NCOA1: variants seen among roughly 807,000 people sequenced by gnomAD.
NCOA1 encodes nuclear receptor coactivator 1, also known as Hin-2 protein.
A neutral mutation model predicts 150.9 loss-of-function variants in NCOA1; 35 were observed. That is an observed-to-expected ratio of 0.23 (90% CI 0.18 to 0.31). The LOEUF (loss-of-function observed/expected upper bound fraction) is 0.31, where lower values mean the gene tolerates loss of function less well. Ranked by LOEUF, NCOA1 falls within the 10% of genes least tolerant of loss-of-function variation. The pLI is 1.00. For synonymous variants in NCOA1, 590 were observed against 630.0 expected (o/e 0.94, Z 0.95); for missense variants, 1,491 against 1,749.3 (o/e 0.85, Z 2.63).
intron 1 of NCOA1, among the ~76,000 whole-genome samples, chr2:24,545,451 T>C (rs2148206004): frequency 6.6e-6 from 1 of 152,078 alleles, no homozygotes; most frequent in African/African-American, 2.4e-5. Context: ...AAATAAATGG[T>C]TAAATAAATA....
chr2:24,532,380 A>C (rs1359197464), intron 1 of NCOA1, among the ~76,000 whole-genome samples: 2 of 152,056 alleles, frequency 1.3e-5, no homozygotes, highest in African/African-American at 4.8e-5. Context: ...ATATTGCAAA[A>C]ATTTTCTTCC....
chr2:24,660,157 A>C (rs184263782), intron 5 of NCOA1, among the ~76,000 whole-genome samples: 10 of 152,338 alleles, frequency 6.6e-5, no homozygotes, highest in African/African-American at 2.4e-4. Context: ...ATCAAGATGC[A>C]ATCTAGAAGT....
chr2:24,744,230 T>A (rs1360220393), intron 19 of NCOA1, among the ~76,000 whole-genome samples: 2 of 152,202 alleles, frequency 1.3e-5, no homozygotes, highest in African/African-American at 4.8e-5. Context: ...CCAGACCAAC[T>A]TCTGATTGAC....
chr2:24,554,168 C>T (rs898735228), intron 1 of NCOA1, among the ~76,000 whole-genome samples: 10 of 151,880 alleles, frequency 6.6e-5, no homozygotes, highest in Admixed American at 4.6e-4. Context: ...TCATAGATAC[C>T]TCTATGTTTT....
rs1008657294 is a variant in NCOA1, at chr2:24,546,784, G to A, written c.-395-17511G>A. Among the ~76,000 whole-genome samples, 6 of 152,274 alleles carry A rather than the reference G, an allele frequency of 3.9e-5. No individual in the cohort carries two copies. In the South Asian group the frequency reaches 6.2e-4, roughly 16 times the overall value. Reference sequence around the variant, plus strand: ...ATCACTTACTCAGCTGGTAACTGGTGTGGGCTGGACAGTCTCAGGCTTTCT... The same window carrying A: ...ATCACTTACTCAGCTGGTAACTGGTATGGGCTGGACAGTCTCAGGCTTTCT... On this transcript the variant is annotated intron_variant, in intron 1 of 22. Transcript: ENST00000348332.
chr2:24,692,101 A>C (rs1056499200), intron 9 of NCOA1, among the ~76,000 whole-genome samples: 1 of 152,236 alleles, frequency 6.6e-6, no homozygotes, highest in Non-Finnish European at 1.5e-5. Context: ...AGAAAACTTA[A>C]GAACAGATGG....
At chr2:24,504,479 A>G (rs1024750264) in intron 1 of NCOA1, among the ~76,000 whole-genome samples, 1 of 152,238 alleles carries the variant, frequency 6.6e-6, no homozygotes, top group Non-Finnish European at 1.5e-5. Context: ...GCCTTACTAT[A>G]GCAGAATTGA....
chr2:24,757,032 AT>A (rs1664539400), intron 20 of NCOA1, among the ~76,000 whole-genome samples: 1 of 152,222 alleles, frequency 6.6e-6, no homozygotes, highest in African/African-American at 2.4e-5. Context: ...ACCTAAAAAC[AT>A]TTGGTTGTAT....
At chr2:24,650,702 A>G (rs554918579) in intron 4 of NCOA1, among the ~76,000 whole-genome samples, 2 of 152,290 alleles carry the variant, frequency 1.3e-5, no homozygotes, top group South Asian at 4.1e-4. Context: ...GCCAACAAGT[A>G]TATGAAAGTT....
intron 1 of NCOA1, among the ~76,000 whole-genome samples, chr2:24,500,739 A>G (rs1663425120): frequency 6.6e-6 from 1 of 152,176 alleles, no homozygotes; most frequent in Non-Finnish European, 1.5e-5. Flanking sequence ...TTTTTGTGAA[A>G]CGTGGCTATA....
intron 17 of NCOA1, among the ~76,000 whole-genome samples, chr2:24,730,095 C>T (rs924854920): frequency 3.3e-5 from 5 of 152,162 alleles, no homozygotes; most frequent in Non-Finnish European, 7.3e-5. Flanking sequence ...TTGCCCACCT[C>T]GGCCTCCCAA....
chr2:24,597,867 G>A (rs1332494579), intron 3 of NCOA1, among the ~76,000 whole-genome samples: 1 of 151,956 alleles, frequency 6.6e-6, no homozygotes, highest in Non-Finnish European at 1.5e-5. Context: ...CCATATTGGT[G>A]TGCTGCACCC....
intron 1 of NCOA1, among the ~76,000 whole-genome samples, chr2:24,540,964 A>G (rs953941500): frequency 1.3e-5 from 2 of 152,216 alleles, no homozygotes; most frequent in Non-Finnish European, 2.9e-5. Flanking sequence ...CATGGTAGCA[A>G]ATGCAACAGT....
At chr2:24,661,589 T>C (rs1671186382) in intron 5 of NCOA1, among the ~76,000 whole-genome samples, 1 of 152,206 alleles carries the variant, frequency 6.6e-6, no homozygotes, top group African/African-American at 2.4e-5. Flanking sequence ...TGTTTTCTTC[T>C]AATACATGTT....
chr2:24,637,216 A>G (rs1198705984), intron 3 of NCOA1, among the ~76,000 whole-genome samples: 4 of 136,536 alleles, frequency 2.9e-5, no homozygotes, highest in Non-Finnish European at 6.3e-5. Flanking sequence ...ATATCTCCTA[A>G]TGCTATCCCT....
Position 24,596,811 on chromosome 2 carries a change from C to T in NCOA1, c.-175+12251C>T, listed in dbSNP as rs140720019. ...TACATTTCAAAGAGTTAAAGACTTACGCCATTCTACAATATTCATTTTAAC... is the reference window on the plus strand; with the variant it reads ...TACATTTCAAAGAGTTAAAGACTTATGCCATTCTACAATATTCATTTTAAC... On this transcript the variant is annotated intron_variant, in intron 3 of 22. Transcript: ENST00000348332. Among the ~76,000 whole-genome samples, 233 of 152,200 alleles carry T rather than the reference C, an allele frequency of 1.5e-3. No individual in the cohort carries two copies. The Middle Eastern group carries it at 0.017, about 11-fold the overall frequency.
intron 3 of NCOA1, among the ~76,000 whole-genome samples, chr2:24,629,807 A>AACAT (rs201438071): frequency 9.3e-6 from 1 of 107,380 alleles, no homozygotes; most frequent in Non-Finnish European, 1.8e-5. Context: ...TGTTTTAAGT[A>AACAT]ACATACATAC....
At chr2:24,601,443 G>C (rs1668111255) in intron 3 of NCOA1, among the ~76,000 whole-genome samples, 1 of 152,184 alleles carries the variant, frequency 6.6e-6, no homozygotes, top group African/African-American at 2.4e-5. Context: ...TCGAACTCCT[G>C]GCTGCAAGCT....
intron 8 of NCOA1, among the ~76,000 whole-genome samples, chr2:24,684,606 AG>A (rs1672321140): frequency 6.6e-6 from 1 of 152,258 alleles, no homozygotes; most frequent in Non-Finnish European, 1.5e-5. Context: ...TGCCTCTCTG[AG>A]CAGCCTTTCA....
Sources: gnomAD v4.1 joint callset for allele counts (sites outside exome capture counted in the v4.1 genomes callset) on GRCh38, gnomAD v4.1.1 for gene constraint, MANE v1.5 for transcripts, NCBI Gene and HGNC (gene_info 2026-07-23, HGNC 2026-07-21) for gene names.